The following ENOX1 variants were observed in gnomAD, a reference collection of about 807,000 sequenced individuals.
The protein encoded by ENOX1 is candidate growth-related and time keeping constitutive hydroquinone (NADH) oxidase.
In ENOX1, 42 loss-of-function variants were observed where a neutral mutation model predicts 82.5. The ratio of observed to expected loss-of-function variants is 0.51; its 90% CI spans 0.40 to 0.66. The LOEUF (loss-of-function observed/expected upper bound fraction) is 0.66. ENOX1 is among the 30% of genes least tolerant of loss of function. The probability of loss-of-function intolerance (pLI) is 0.00; values close to 1 mark genes in which losing one functional copy is unlikely to be tolerated. For missense variants in ENOX1, 608 were observed against 811.6 expected, an observed-to-expected ratio of 0.75 and a Z score of 3.05; for synonymous variants, 271 against 282.2, an observed-to-expected ratio of 0.96 and a Z score of 0.40.
intron 2 of ENOX1, among the ~76,000 whole-genome samples, chr13:43,619,778 G>A (rs1000376673): frequency 6.6e-6 from 1 of 152,074 alleles, no homozygotes; most frequent in Non-Finnish European, 1.5e-5. Flanking sequence ...AATGAATTAG[G>A]GAGGGTTCCT....
chr13:43,616,156 A>ATC (rs2082435562), intron 2 of ENOX1, among the ~76,000 whole-genome samples: 2 of 25,616 alleles, frequency 7.8e-5, no homozygotes, highest in African/African-American at 2.3e-4. Flanking sequence ...CTATATAGAT[A>ATC]GATATCTATC....
intron 1 of ENOX1, among the ~76,000 whole-genome samples, chr13:43,675,546 A>G (rs1436709057): frequency 6.6e-6 from 1 of 152,208 alleles, no homozygotes; most frequent in Non-Finnish European, 1.5e-5. Context: ...ATGTAAACAT[A>G]TATGTTTTAA....
intron 3 of ENOX1, among the ~76,000 whole-genome samples, chr13:43,453,289 C>G (rs1394837632): frequency 1.3e-5 from 2 of 152,138 alleles, no homozygotes; most frequent in African/African-American, 4.8e-5. Flanking sequence ...ACATTCCCCA[C>G]GAAGGAAGTA....
intron 3 of ENOX1, among the ~76,000 whole-genome samples, chr13:43,481,491 A>C (rs908631993): frequency 2.0e-5 from 3 of 152,194 alleles, no homozygotes; most frequent in Non-Finnish European, 4.4e-5. Context: ...TCCTTATTTT[A>C]TACCAGACAC....
At chr13:43,645,079 G>A (rs561231664) in intron 2 of ENOX1, among the ~76,000 whole-genome samples, 3 of 152,188 alleles carry the variant, frequency 2.0e-5, no homozygotes, top group African/African-American at 7.2e-5. Flanking sequence ...TCAAATAATA[G>A]TTTTCCCATT....
Position 43,326,470 on chromosome 13 carries a change from A to AAT in ENOX1, c.1091_1092insAT (p.His364GlnfsTer11). ...TGTTCTTGCGCTGGGCTTTCGAGAA[A>AAT]TGGTCCCAAGCTTTTTGTCTGGTAG... On this transcript the variant is annotated frameshift_variant, in exon 10 of 17. Coordinates refer to ENST00000690772, the MANE Select transcript of ENOX1 (RefSeq NM_001347969.2). LOFTEE classifies it high-confidence loss of function. The AAT allele has an allele frequency of 6.2e-7, 1 of 1,614,170 alleles. No homozygotes were observed. The highest frequency in any genetic ancestry group is 8.5e-7 in the Non-Finnish European group (1 of 1,179,998).
chr13:43,718,778 A>G (rs1313720525), intron 1 of ENOX1, among the ~76,000 whole-genome samples: 4 of 151,856 alleles, frequency 2.6e-5, no homozygotes, highest in Admixed American at 6.6e-5. Context: ...GGACCCTTCA[A>G]ACAAGACTTT....
chr13:43,661,909 C>T (rs1420032942), intron 2 of ENOX1, among the ~76,000 whole-genome samples: 1 of 152,180 alleles, frequency 6.6e-6, no homozygotes, highest in Non-Finnish European at 1.5e-5. Context: ...TCATTTGTCT[C>T]ATTATCTTAG....
intron 3 of ENOX1, among the ~76,000 whole-genome samples, chr13:43,466,498 G>C (rs2057726214): frequency 1.3e-5 from 2 of 151,886 alleles, no homozygotes; most frequent in African/African-American, 4.8e-5. Context: ...TAAAGAAAAA[G>C]AACAACTACA....
At chr13:43,389,925 G>A (rs770713083) in intron 5 of ENOX1, among the ~76,000 whole-genome samples, 6 of 152,098 alleles carry the variant, frequency 3.9e-5, no homozygotes, top group African/African-American at 1.4e-4. Flanking sequence ...CTTGACAGAG[G>A]GGGAGAAGGG....
At position 43,556,060 on chromosome 13, in the gene ENOX1, C is replaced by T. The variant is rs539747734; in HGVS notation, c.-218-71908G>A. 7.2e-5 allele frequency among the ~76,000 whole-genome samples: 11 copies of T among 152,290 alleles called. No homozygotes were observed. The East Asian group carries it at 1.7e-3, about 24-fold the overall frequency. On this transcript the variant is annotated intron_variant, in intron 2 of 16. Transcript: ENST00000690772. Reference sequence around the variant, plus strand: ...TGGCTTCCTAAAATGAAAAGAACTTCGATACCAATGAATGTTCAATGTATA... The same window carrying T: ...TGGCTTCCTAAAATGAAAAGAACTTTGATACCAATGAATGTTCAATGTATA...
intron 11 of ENOX1, among the ~76,000 whole-genome samples, chr13:43,311,400 C>G (rs1286443148): frequency 6.6e-6 from 1 of 151,744 alleles, no homozygotes; most frequent in Non-Finnish European, 1.5e-5. Context: ...AAATATCCCC[C>G]AACAGATTAA....
chr13:43,422,797 G>C (rs976780096), intron 3 of ENOX1, among the ~76,000 whole-genome samples: 2 of 152,112 alleles, frequency 1.3e-5, no homozygotes, highest in African/African-American at 4.8e-5. Flanking sequence ...ACAAATATAA[G>C]TGTAGAGACA....
chr13:43,605,173 T>C (rs1432499497), intron 2 of ENOX1, among the ~76,000 whole-genome samples: 3 of 152,000 alleles, frequency 2.0e-5, no homozygotes, highest in African/African-American at 7.2e-5. Flanking sequence ...ACACAAAAAA[T>C]GGAAAGATAT....
At chr13:43,427,802 T>C (rs1258121815) in intron 3 of ENOX1, among the ~76,000 whole-genome samples, 2 of 152,196 alleles carry the variant, frequency 1.3e-5, no homozygotes, top group African/African-American at 4.8e-5. Context: ...ATGCCTCTTA[T>C]AAGAAAACAA....
chr13:43,639,219 T>C (rs1450051505), intron 2 of ENOX1, among the ~76,000 whole-genome samples: 4 of 152,134 alleles, frequency 2.6e-5, no homozygotes, highest in Non-Finnish European at 5.9e-5. Context: ...GGAGAATTGC[T>C]TGAACCCGGG....
intron 3 of ENOX1, among the ~76,000 whole-genome samples, chr13:43,481,723 A>G (rs1566340919): frequency 6.6e-6 from 1 of 152,132 alleles, no homozygotes; most frequent in East Asian, 1.9e-4. Context: ...GTGAAAAGGC[A>G]ACTTACAGAA....
chr13:43,335,181 G>A (rs1242280624), intron 9 of ENOX1, among the ~76,000 whole-genome samples: 1 of 152,142 alleles, frequency 6.6e-6, no homozygotes, highest in Non-Finnish European at 1.5e-5. Flanking sequence ...GCTATAGAAG[G>A]TGTCTACACA....
At chr13:43,521,375 G>T (rs2077761553) in intron 2 of ENOX1, among the ~76,000 whole-genome samples, 1 of 152,080 alleles carries the variant, frequency 6.6e-6, no homozygotes, top group Non-Finnish European at 1.5e-5. Flanking sequence ...CCCCTAGAGA[G>T]CAGCAGCCAG....
Sources: allele counts gnomAD v4.1 joint callset (sites outside exome capture counted in the v4.1 genomes callset), GRCh38; gene constraint gnomAD v4.1.1; transcripts MANE v1.5; gene names NCBI Gene and HGNC (gene_info 2026-07-23, HGNC 2026-07-21).